The following PCBP3 variants were observed in gnomAD, a reference collection of about 807,000 sequenced individuals.
The protein encoded by PCBP3 is poly(rC)-binding protein 3.
In PCBP3, 25 loss-of-function variants were observed where a neutral mutation model predicts 52.7. The observed-to-expected ratio is 0.47, with a 90% CI of 0.35 to 0.66. The LOEUF (loss-of-function observed/expected upper bound fraction) is 0.66. Among genes scored for constraint, PCBP3 ranks in the 30% least tolerant of loss-of-function variants. PCBP3 has a pLI of 0.01. For synonymous variants in PCBP3, 162 were observed against 183.0 expected (o/e 0.89, Z 0.93); for missense variants, 391 against 490.3 (o/e 0.80, Z 1.91).
At chr21:45,713,771 G>T (rs948807573) in intron 2 of PCBP3, among the ~76,000 whole-genome samples, 6 of 152,228 alleles carry the variant, frequency 3.9e-5, no homozygotes, top group Non-Finnish European at 5.9e-5. Flanking sequence ...CTGCAGATGT[G>T]CAGCCATGTG....
chr21:45,660,505 G>C (rs558454276), intron 1 of PCBP3, among the ~76,000 whole-genome samples: 3 of 152,124 alleles, frequency 2.0e-5, no homozygotes, highest in Non-Finnish European at 2.9e-5. Context: ...TTTGCTTCTT[G>C]TTTTCTCTAT....
intron 5 of PCBP3, among the ~76,000 whole-genome samples, chr21:45,856,929 C>T (rs1569333607): frequency 6.6e-6 from 1 of 152,180 alleles, no homozygotes; most frequent in Non-Finnish European, 1.5e-5. Context: ...CATTTTCTTG[C>T]TGACGGTTGA....
chr21:45,920,884 T>G (rs905894668), intron 13 of PCBP3, among the ~76,000 whole-genome samples: 1 of 152,216 alleles, frequency 6.6e-6, no homozygotes, highest in Non-Finnish European at 1.5e-5. Flanking sequence ...GTTTCTGAAT[T>G]GCCCGGTCTA....
At chr21:45,915,631 C>T (rs2073262548) in intron 12 of PCBP3, 1 of 152,374 alleles carries the variant, frequency 6.6e-6, no homozygotes, top group East Asian at 1.9e-4. Context: ...AGCACGCCCT[C>T]CCTACTGCAG....
intron 4 of PCBP3, among the ~76,000 whole-genome samples, chr21:45,803,243 TTGG>T: frequency 6.6e-6 from 1 of 152,290 alleles, no homozygotes; most frequent in Admixed American, 6.5e-5. Flanking sequence ...TGCAAGGGTA[TTGG>T]TGTGTTTTTT....
intron 2 of PCBP3, among the ~76,000 whole-genome samples, chr21:45,707,433 T>G (rs774139531): frequency 2.0e-5 from 3 of 152,108 alleles, no homozygotes; most frequent in Non-Finnish European, 4.4e-5. Context: ...GGAGAATCGC[T>G]TGAACCTGGG....
intron 4 of PCBP3, among the ~76,000 whole-genome samples, chr21:45,767,113 T>C (rs963644424): frequency 1.3e-5 from 2 of 152,166 alleles, no homozygotes; most frequent in African/African-American, 4.8e-5. Flanking sequence ...TCAGTGGCAT[T>C]GAGCACAGTC....
intron 5 of PCBP3, among the ~76,000 whole-genome samples, chr21:45,856,017 G>A (rs1046761538): frequency 1.3e-5 from 2 of 152,172 alleles, no homozygotes; most frequent in Non-Finnish European, 2.9e-5. Flanking sequence ...GATAAAGTAG[G>A]AAACAGAAAT....
chr21:45,725,734 G>A (rs1305099515), intron 2 of PCBP3, among the ~76,000 whole-genome samples: 1 of 152,154 alleles, frequency 6.6e-6, no homozygotes, highest in South Asian at 2.1e-4. Context: ...AGCAGGAGTG[G>A]CTGAGGGGCT....
rs180906126 is a variant in PCBP3 at position 45,776,590 on chromosome 21, C to T, written c.-126+21138C>T. 2.4e-3 allele frequency among the ~76,000 whole-genome samples: 358 copies of T among 152,078 alleles called. 4 individuals carry two copies. The highest frequency in any genetic ancestry group is 6.1e-3 in the Admixed American group (93 of 15,290). On this transcript the variant is annotated intron_variant, in intron 4 of 17. Coordinates refer to ENST00000681687, the MANE Select transcript of PCBP3 (RefSeq NM_001384156.1). Reference sequence around the variant, plus strand: ...TATATATTTAGAATTGTTATATCCTCTTCCTGGATTGATCCATTTATCATT... The same window carrying T: ...TATATATTTAGAATTGTTATATCCTTTTCCTGGATTGATCCATTTATCATT...
chr21:45,667,075 G>GTTCTTTCTTTCTTTCTTTCCTTCT (rs1555900589), intron 1 of PCBP3, among the ~76,000 whole-genome samples: 17 of 147,668 alleles, frequency 1.2e-4, no homozygotes, highest in Middle Eastern at 3.5e-3. Context: ...GCATCTGTTT[G>GTTCTTTCTTTCTTTCTTTCCTTCT]TTCTTTCTTT....
intron 4 of PCBP3, among the ~76,000 whole-genome samples, chr21:45,845,335 T>C (rs2093784598): frequency 6.6e-6 from 1 of 152,282 alleles, no homozygotes; most frequent in African/African-American, 2.4e-5. Flanking sequence ...AACCATTTCT[T>C]AAGAGCCTGG....
At chr21:45,891,504 C>T (rs1039278401) in intron 5 of PCBP3, among the ~76,000 whole-genome samples, 1 of 152,188 alleles carries the variant, frequency 6.6e-6, no homozygotes, top group Admixed American at 6.5e-5. Context: ...CGACATGATT[C>T]CCTTTGTGTC....
Position 45,917,532 on chromosome 21 carries a change from T to C in PCBP3, c.676-56T>C. ...TGTCATGCTGGAGGGTGGCGGCGGG[T>C]GCTGAGCCGTGGTGCAGCCAGGTTG... On this transcript the variant is annotated intron_variant, in intron 12 of 17. Transcript: ENST00000681687. The surrounding 1 kb of genome is among the most constrained non-coding windows in gnomAD (Gnocchi z 5.3). 7.0e-7 allele frequency: 1 copy of C among 1,430,414 alleles called. No individual in the cohort carries two copies. Among genetic ancestry groups the C allele is most frequent in the Non-Finnish European group, 9.8e-7 (1 of 1,018,710 alleles). The allele number at this position is 1,430,414 out of a possible 1,614,324, so 88.6% of individuals were successfully genotyped here. A position where few individuals can be genotyped will look rare whatever the true frequency, so the allele number is the denominator to read the frequency against.
At position 45,799,693 on chromosome 21, in the gene PCBP3, G is replaced by A. The variant is rs536056238; in HGVS notation, c.-126+44241G>A. The stretch of plus-strand genomic sequence containing the variant: ...GGTGGACGGCCAGGCCAAGGTATCC[G>A]TGCCTGGTCCTGAGGGGCCAGGCAC... On this transcript the variant is annotated intron_variant, in intron 4 of 17. Coordinates refer to ENST00000681687, the MANE Select transcript of PCBP3 (RefSeq NM_001384156.1). 4.7e-4 allele frequency among the ~76,000 whole-genome samples: 72 copies of A among 152,292 alleles called. 1 individual carries two copies. The South Asian group carries it at 0.013, about 27-fold the overall frequency.
intron 2 of PCBP3, among the ~76,000 whole-genome samples, chr21:45,700,573 G>A (rs2083059463): frequency 6.6e-6 from 1 of 152,142 alleles, no homozygotes; most frequent in South Asian, 2.1e-4. Flanking sequence ...TGCCCGCCCA[G>A]CAACAACCAC....
At position 45,914,011 on chromosome 21, in the gene PCBP3, T is replaced by C. The variant is rs2096456425; in HGVS notation, c.661T>C (p.Phe221Leu). The C allele has an allele frequency of 3.7e-6, 6 of 1,613,752 alleles. No individual in the cohort carries two copies. The highest frequency in any genetic ancestry group is 5.1e-6 in the Non-Finnish European group (6 of 1,179,896). ...AAAGCCCGCCTCCACCCCTGTCATT[T>C]TTGCAGGTGGTCAGGTAAGAGCCGA... ...RPKPASTPVI[F>L]AGGQAYTIQG... Residue 221 changes from phenylalanine to leucine, a missense_variant, in exon 12 of 18, where the codon TTT becomes CTT. By Grantham distance (22) the Phe-to-Leu change is conservative. Coordinates refer to ENST00000681687, the MANE Select transcript of PCBP3 (RefSeq NM_001384156.1).
intron 4 of PCBP3, among the ~76,000 whole-genome samples, chr21:45,823,211 A>G (rs2093198562): frequency 6.6e-6 from 1 of 152,196 alleles, no homozygotes; most frequent in Non-Finnish European, 1.5e-5. Context: ...TGCAGTCCCC[A>G]TGACCCCTCA....
At chr21:45,726,803 T>G (rs1036706838) in intron 2 of PCBP3, among the ~76,000 whole-genome samples, 4 of 152,252 alleles carry the variant, frequency 2.6e-5, no homozygotes, top group Admixed American at 2.6e-4. Context: ...TTTCATGTGC[T>G]TATTTGCCAT....
Sources: allele counts gnomAD v4.1 joint callset (sites outside exome capture counted in the v4.1 genomes callset), GRCh38; gene constraint gnomAD v4.1.1; non-coding constraint Gnocchi (gnomAD v3.1); transcripts MANE v1.5; gene names NCBI Gene and HGNC (gene_info 2026-07-23, HGNC 2026-07-21).